AXDND1: variants seen among roughly 807,000 people sequenced by gnomAD.
AXDND1 encodes the protein axonemal dynein light chain domain-containing protein 1.
In AXDND1, 110 loss-of-function variants were observed where a neutral mutation model predicts 137.5. The ratio of observed to expected loss-of-function variants is 0.80; its 90% confidence interval spans 0.69 to 0.94. AXDND1 has a LOEUF of 0.94. AXDND1 is among the 40% of genes least tolerant of loss of function. The pLI is 0.00. For missense variants in AXDND1, 1,191 were observed against 1,169.8 expected, an observed-to-expected ratio of 1.02 and a Z score of -0.26; for synonymous variants, 414 against 399.7, an observed-to-expected ratio of 1.04 and a Z score of -0.43.
chr1:179,528,787 T>TC (rs1409218237), intron 23 of AXDND1, among the ~76,000 whole-genome samples: 2 of 152,044 alleles, frequency 1.3e-5, no homozygotes, highest in African/African-American at 4.8e-5. Flanking sequence ...GGACAGGGTT[T>TC]CACCATATTG....
chr1:179,540,539 A>G (rs1672027289), intron 25 of AXDND1, among the ~76,000 whole-genome samples: 1 of 152,124 alleles, frequency 6.6e-6, no homozygotes, highest in Non-Finnish European at 1.5e-5. Context: ...AGCAGCAAAT[A>G]TTGCTGCCCA....
intron 12 of AXDND1, among the ~76,000 whole-genome samples, chr1:179,419,746 A>G (rs932627786): frequency 7.2e-5 from 11 of 152,064 alleles, no homozygotes; most frequent in African/African-American, 2.4e-4. Context: ...TTTCATCTTC[A>G]GATTGTTTGC....
In AXDND1 at chr1:179,432,320, T is replaced by C; in HGVS notation, c.1541T>C (p.Leu514Ser). Reference protein sequence around the residue: ...NKGNIFNSVLLDFKQWQKILN... With the variant: ...NKGNIFNSVLSDFKQWQKILN... Reference sequence around the variant, plus strand: ...GGAAATATATTTAATTCAGTTCTTTTAGACTTCAAACAGTGGCAGAAGGTA... The same window carrying C: ...GGAAATATATTTAATTCAGTTCTTTCAGACTTCAAACAGTGGCAGAAGGTA... Residue 514 changes from leucine (L) to serine (S), a missense_variant, in exon 15 of 26, where the codon TTA becomes TCA. Transcript: ENST00000367618. 1.3e-6 allele frequency: 2 copies of C among 1,576,222 alleles called. No homozygotes were observed. Among genetic ancestry groups the C allele is most frequent in the East Asian group, 2.3e-5 (1 of 44,106 alleles).
At chr1:179,518,355 A>G (rs1399210084) in intron 21 of AXDND1, among the ~76,000 whole-genome samples, 1 of 148,760 alleles carries the variant, frequency 6.7e-6, no homozygotes, top group East Asian at 2.0e-4. Flanking sequence ...TATTTTAATT[A>G]TTGAGGCTTT....
In AXDND1 at chr1:179,445,070, T is replaced by C. The variant is rs1447206777; in HGVS notation, c.1664T>C (p.Ile555Thr). The C allele has an allele frequency of 3.1e-6, 5 of 1,613,358 alleles. No homozygotes were observed. The highest frequency in any genetic ancestry group is 2.2e-5 in the East Asian group (1 of 44,852). ...IKHLQENWAD[I>T]GLGIFNRHKS... is the part of the protein sequence containing the mutation. Reference sequence around the variant, plus strand: ...CATTTACAGGAAAACTGGGCAGATATTGGGCTTGGGATATTTAATCGGCAT... The same window carrying C: ...CATTTACAGGAAAACTGGGCAGATACTGGGCTTGGGATATTTAATCGGCAT... Residue 555 changes from isoleucine (I) to threonine (T), a missense_variant, in exon 16 of 26, where the codon ATT becomes ACT. Physicochemically the swap from Ile to Thr is moderately conservative, Grantham distance 89. Coordinates refer to ENST00000367618, the MANE Select transcript of AXDND1 (RefSeq NM_144696.6).
At chr1:179,513,101 A>G (rs1193041329) in intron 21 of AXDND1, among the ~76,000 whole-genome samples, 1 of 152,118 alleles carries the variant, frequency 6.6e-6, no homozygotes, top group East Asian at 1.9e-4. Flanking sequence ...TTCTATGTTG[A>G]AGAGGAGTGG....
intron 8 of AXDND1, among the ~76,000 whole-genome samples, chr1:179,384,230 T>C (rs1034015589): frequency 1.1e-4 from 17 of 152,222 alleles, no homozygotes; most frequent in African/African-American, 4.1e-4. Context: ...CATTGTGCCC[T>C]ATTTGCTTTC....
At chr1:179,419,507 G>A (rs550519487) in intron 12 of AXDND1, among the ~76,000 whole-genome samples, 3,230 of 149,700 alleles carry the variant, frequency 0.022, 112 homozygotes, top group African/African-American at 0.074. Flanking sequence ...GCAGGCACTC[G>A]GCAGGCTGAG....
intron 23 of AXDND1, 24 bp downstream of exon 23, chr1:179,528,455 G>A: frequency 6.7e-7 from 1 of 1,502,870 alleles, no homozygotes; most frequent in Non-Finnish European, 9.3e-7. Flanking sequence ...ACCCAGCTAG[G>A]GAATTCAACA....
At chr1:179,458,410 A>G (rs1237719235) in intron 16 of AXDND1, among the ~76,000 whole-genome samples, 1 of 152,176 alleles carries the variant, frequency 6.6e-6, no homozygotes, top group Non-Finnish European at 1.5e-5. Context: ...TTGTTTATGA[A>G]CCCAGAAAAC....
chr1:179,402,907 C>A (rs1652325184), intron 11 of AXDND1, among the ~76,000 whole-genome samples: 1 of 152,210 alleles, frequency 6.6e-6, no homozygotes. Context: ...ATGATCAATT[C>A]TCATTTCACT....
intron 20 of AXDND1, among the ~76,000 whole-genome samples, chr1:179,493,535 G>C (rs1667144740): frequency 6.6e-6 from 1 of 152,156 alleles, no homozygotes; most frequent in Non-Finnish European, 1.5e-5. Context: ...GAATGGCTGA[G>C]TCACATGGAA....
intron 11 of AXDND1, among the ~76,000 whole-genome samples, chr1:179,401,890 G>A (rs772604355): frequency 1.3e-5 from 2 of 151,816 alleles, no homozygotes; most frequent in South Asian, 2.1e-4. Context: ...ATTCAGTCTC[G>A]GGGCCGGGCA....
intron 11 of AXDND1, among the ~76,000 whole-genome samples, chr1:179,396,197 A>G (rs988858164): frequency 4.0e-5 from 6 of 151,608 alleles, no homozygotes; most frequent in Non-Finnish European, 8.8e-5. Flanking sequence ...AAAAAGAAAA[A>G]TATTTGGAGA....
At chr1:179,428,673 A>G (rs1378526648) in intron 12 of AXDND1, among the ~76,000 whole-genome samples, 3 of 152,266 alleles carry the variant, frequency 2.0e-5, no homozygotes, top group Non-Finnish European at 4.4e-5. Flanking sequence ...TCTAGCAGCT[A>G]CATGACGTGA....
intron 9 of AXDND1, among the ~76,000 whole-genome samples, chr1:179,388,190 A>C (rs975593226): frequency 6.6e-6 from 1 of 152,174 alleles, no homozygotes; most frequent in East Asian, 1.9e-4. Context: ...CCAGTGTCTT[A>C]AAAATGGTTT....
intron 8 of AXDND1, 80 bp downstream of exon 8, chr1:179,383,624 C>G: frequency 3.8e-6 from 4 of 1,044,406 alleles, no homozygotes; most frequent in Non-Finnish European, 5.8e-6. Flanking sequence ...AATTCTGACC[C>G]TGCCATATAT....
intron 22 of AXDND1, 114 bp from the exon 23 acceptor site, chr1:179,528,213 G>T: frequency 1.5e-6 from 1 of 686,738 alleles, no homozygotes. Flanking sequence ...GTGATTAAAG[G>T]AAATGGAAAA....
Position 179,534,798 on chromosome 1 carries a change from C to A in AXDND1, c.2867C>A (p.Thr956Asn), listed in dbSNP as rs374779835. 1.9e-6 allele frequency: 3 copies of A among 1,606,076 alleles called. No homozygotes were observed. Among genetic ancestry groups the A allele is most frequent in the Non-Finnish European group, 2.5e-6 (3 of 1,178,370 alleles). Residue 956 changes from threonine (T) to asparagine (N), a missense_variant, in exon 25 of 26, where the codon ACC becomes AAC. Physicochemically the swap from Thr to Asn is moderately conservative, Grantham distance 65. Coordinates refer to ENST00000367618, the MANE Select transcript of AXDND1 (RefSeq NM_144696.6). ...FEDAYEKLHH[T>N]LIKNKDLEEL... is the part of the protein sequence containing the mutation. ...GATGCATATGAGAAACTTCATCATA[C>A]CCTTATAAAAAATAAAGATCTAGAG...
Sources: allele counts gnomAD v4.1 joint callset (sites outside exome capture counted in the v4.1 genomes callset), GRCh38; gene constraint gnomAD v4.1.1; transcripts MANE v1.5; gene names NCBI Gene and HGNC (gene_info 2026-07-23, HGNC 2026-07-21).